ZNF283: variants seen among roughly 807,000 people sequenced by gnomAD.
The protein encoded by ZNF283 is zinc finger protein 41.
In ZNF283, 10 loss-of-function variants were observed where a neutral mutation model predicts 9.2. The observed-to-expected ratio is 1.09, with a 90% confidence interval of 0.67 to 1.85. ZNF283 has a LOEUF of 1.85. Among genes scored for constraint, ZNF283 ranks in the 40% most tolerant of loss-of-function variants. The pLI, the probability that ZNF283 is intolerant of heterozygous loss-of-function variation, is 0.00. For synonymous variants in ZNF283, 234 were observed against 244.1 expected (o/e 0.96, Z 0.38); for missense variants, 631 against 760.1 (o/e 0.83, Z 2.00).
intron 6 of ZNF283, among the ~76,000 whole-genome samples, chr19:43,844,275 G>A (rs1302791209): frequency 8.0e-6 from 1 of 124,600 alleles, no homozygotes; most frequent in Non-Finnish European, 1.8e-5. Context: ...GATTTTTCTT[G>A]ACATTTAAGA....
chr19:43,827,573 G>A (rs1360780600), intron 1 of ZNF283, 129 bp downstream of exon 1: 1 of 152,276 alleles, frequency 6.6e-6, no homozygotes, highest in African/African-American at 2.4e-5. Context: ...GAGGTGGGGA[G>A]GGCTGGGTCA....
intron 6 of ZNF283, among the ~76,000 whole-genome samples, chr19:43,845,976 G>A (rs1214218448): frequency 6.6e-6 from 1 of 152,130 alleles, no homozygotes; most frequent in Non-Finnish European, 1.5e-5. Flanking sequence ...TTTGAGCTTA[G>A]TTGAGTGAAA....
At position 43,847,720 on chromosome 19, in the gene ZNF283, ACCT is replaced by A. The variant is rs748779942; in HGVS notation, c.1120_1122del (p.Pro374del). On this transcript the variant is annotated inframe_deletion, in exon 7 of 7. Transcript: ENST00000618787. Reference sequence around the variant, plus strand: ...ATCAGAAAATCCATACTGGTAAGAAACCTTATGAATGTAAAATATGTGGAAAGG... The same window carrying A: ...ATCAGAAAATCCATACTGGTAAGAAATATGAATGTAAAATATGTGGAAAGG... 6.2e-7 allele frequency: 1 copy of A among 1,613,620 alleles called. No individual in the cohort carries two copies. The highest frequency in any genetic ancestry group is 8.5e-7 in the Non-Finnish European group (1 of 1,179,728).
chr19:43,848,506 C>A lies in ZNF283; in HGVS notation c.1905C>A (p.Thr635=). The A allele has an allele frequency of 6.2e-7, 1 of 1,613,378 alleles. No individual in the cohort carries two copies. Among genetic ancestry groups the A allele is most frequent in the African/African-American group, 1.3e-5 (1 of 75,006 alleles). Residue 635 remains threonine, a synonymous_variant, in exon 7 of 7, where the codon ACC becomes ACA. Transcript: ENST00000618787. ...KLYQRKEFGK[T]FTCGSKLVHE... ...ATCAACGTAAGGAATTCGGGAAGAC[C>A]TTTACTTGTGGCTCAAAACTTGTTC...
At chr19:43,839,234 GT>G (rs57375994) in intron 6 of ZNF283, among the ~76,000 whole-genome samples, 51,869 of 150,058 alleles carry the variant, frequency 0.35, 9,112 homozygotes, top group African/African-American at 0.38. Flanking sequence ...TTGGTTGACA[GT>G]TTTTTTTTTC....
chr19:43,834,170 C>T (rs1287815201), intron 4 of ZNF283, among the ~76,000 whole-genome samples: 1 of 152,186 alleles, frequency 6.6e-6, no homozygotes, highest in East Asian at 1.9e-4. Context: ...ATTCAGTTAT[C>T]TGGAGAGTAC....
intron 4 of ZNF283, among the ~76,000 whole-genome samples, chr19:43,834,368 C>T (rs1352854738): frequency 1.3e-5 from 2 of 151,488 alleles, no homozygotes; most frequent in African/African-American, 2.4e-5. Flanking sequence ...AATATTATTC[C>T]ATTAGTATTA....
chr19:43,842,939 A>G (rs956285016), intron 6 of ZNF283, among the ~76,000 whole-genome samples: 2 of 126,144 alleles, frequency 1.6e-5, no homozygotes, highest in African/African-American at 6.1e-5. Flanking sequence ...TTATATATAC[A>G]TTTAAAAAAT....
intron 5 of ZNF283, among the ~76,000 whole-genome samples, chr19:43,836,120 A>G (rs1970968322): frequency 6.6e-6 from 1 of 152,218 alleles, no homozygotes; most frequent in Non-Finnish European, 1.5e-5. Flanking sequence ...AATTTTGTTC[A>G]GCCTAAATGT....
At position 43,843,336 on chromosome 19, in the gene ZNF283, T is replaced by A. The variant is rs368335838; in HGVS notation, c.338-3603T>A. ...AGCCTGGTGACAAAGTGAGACTACG[T>A]CCCCACCCCCAAAAAAATTGTGAGT... On this transcript the variant is annotated intron_variant, in intron 6 of 6. Coordinates refer to ENST00000618787, the MANE Select transcript of ZNF283 (RefSeq NM_181845.2). Among the ~76,000 whole-genome samples the A allele has an allele frequency of 1.1e-4, 16 of 152,212 alleles. No individual in the cohort carries two copies. The East Asian group carries it at 1.7e-3, about 17-fold the overall frequency.
chr19:43,837,371 C>T (rs1409606342), intron 6 of ZNF283, 192 bp downstream of exon 6: 2 of 488,666 alleles, frequency 4.1e-6, no homozygotes, highest in East Asian at 3.4e-5. Flanking sequence ...CCTCAGTGAG[C>T]TTTACACCAT....
intron 3 of ZNF283, among the ~76,000 whole-genome samples, chr19:43,833,275 G>A (rs1214686213): frequency 6.6e-6 from 1 of 151,700 alleles, no homozygotes; most frequent in African/African-American, 2.4e-5. Context: ...GTTACAAACC[G>A]GCCTGCCTAA....
chr19:43,844,435 G>A (rs899240505), intron 6 of ZNF283, among the ~76,000 whole-genome samples: 14 of 152,098 alleles, frequency 9.2e-5, no homozygotes, highest in Admixed American at 9.2e-4. Context: ...CTGATGCTAT[G>A]TTGTACAAAA....
At chr19:43,843,770 AT>A (rs2146573100) in intron 6 of ZNF283, among the ~76,000 whole-genome samples, 3 of 152,236 alleles carry the variant, frequency 2.0e-5, no homozygotes, top group Admixed American at 2.0e-4. Flanking sequence ...GTAACATAGT[AT>A]GAAAAGTTCA....
chr19:43,831,871 C>A (rs8100246), intron 3 of ZNF283, among the ~76,000 whole-genome samples: 134 of 152,250 alleles, frequency 8.8e-4, no homozygotes, highest in African/African-American at 3.1e-3. Flanking sequence ...TCAAGCAATC[C>A]GCCTCCTTTG....
In ZNF283 at chr19:43,848,194, T is replaced by G. The variant is rs779539151; in HGVS notation, c.1593T>G (p.Val531=). Residue 531 remains valine (V), a synonymous_variant, in exon 7 of 7, where the codon GTT becomes GTG. Transcript: ENST00000618787. ...CTTTTAATTGTGGATCAAGCCTTGT[T>G]CAACATGAAAGAATCCATACAGGGG... is the stretch of plus-strand genomic sequence containing the variant. ...GKAFNCGSSL[V]QHERIHTGEK... 2.5e-6 allele frequency: 4 copies of G among 1,613,862 alleles called. No individual in the cohort carries two copies. The African/African-American group carries it at 5.3e-5, about 22-fold the overall frequency.
At chr19:43,837,392 TCCCTGCAATCACCTCTCTCCTTTAATGG>T in intron 6 of ZNF283, 1 of 437,654 alleles carries the variant, frequency 2.3e-6, no homozygotes, top group Non-Finnish European at 4.0e-6. Context: ...TCTCGGGCCC[TCCCTGCAATCACCTCTCTCCTTTAATGG>T]CCAAGGGGCT....
chr19:43,839,976 CT>C (rs946808005), intron 6 of ZNF283, among the ~76,000 whole-genome samples: 7 of 151,838 alleles, frequency 4.6e-5, no homozygotes, highest in Non-Finnish European at 1.0e-4. Context: ...TCACTGTATG[CT>C]TTGTAATTTT....
intron 6 of ZNF283, among the ~76,000 whole-genome samples, chr19:43,841,177 T>A (rs1202486728): frequency 6.6e-6 from 1 of 152,250 alleles, no homozygotes; most frequent in African/African-American, 2.4e-5. Flanking sequence ...AGTTCTTTCT[T>A]TTGTTTCCAC....
Sources: gnomAD v4.1 joint callset for allele counts (sites outside exome capture counted in the v4.1 genomes callset) on GRCh38, gnomAD v4.1.1 for gene constraint, MANE v1.5 for transcripts, NCBI Gene and HGNC (gene_info 2026-07-23, HGNC 2026-07-21) for gene names.